ANO2: variants seen among roughly 807,000 people sequenced by gnomAD.
ANO2 encodes anoctamin 2, also known as anoctamin-2.
Under a neutral mutation model 124.2 loss-of-function variants are expected in ANO2, and 101 were observed. The ratio of observed to expected loss-of-function variants is 0.81; its 90% confidence interval spans 0.69 to 0.96. The LOEUF is 0.96. Ranked by LOEUF, ANO2 falls within the 40% of genes least tolerant of loss-of-function variation. The probability of loss-of-function intolerance (pLI) is 0.00; values close to 1 mark genes in which losing one functional copy is unlikely to be tolerated. For synonymous variants in ANO2, 486 were observed against 482.5 expected, an observed-to-expected ratio of 1.01 and a Z score of -0.09; for missense variants, 1,293 against 1,274.5, an observed-to-expected ratio of 1.01 and a Z score of -0.22.
At chr12:5,632,208 A>G (rs1945753138) in intron 16 of ANO2, among the ~76,000 whole-genome samples, 3 of 152,196 alleles carry the variant, frequency 2.0e-5, no homozygotes, top group South Asian at 2.1e-4. Flanking sequence ...AGTACCCAGT[A>G]TAAGGTAGAC....
At chr12:5,593,207 T>C (rs1943495033) in intron 20 of ANO2, among the ~76,000 whole-genome samples, 1 of 152,164 alleles carries the variant, frequency 6.6e-6, no homozygotes. Context: ...CAGAAGAAAT[T>C]CATCTCATCA....
chr12:5,800,342 G>A (rs963801206), intron 9 of ANO2, among the ~76,000 whole-genome samples: 11 of 152,212 alleles, frequency 7.2e-5, no homozygotes, highest in Non-Finnish European at 1.3e-4. Context: ...TAAAATCTTT[G>A]TATCAACACT....
chr12:5,830,355 G>A (rs1954110706), intron 6 of ANO2, 80 bp downstream of exon 6: 9 of 1,406,386 alleles, frequency 6.4e-6, no homozygotes, highest in Non-Finnish European at 8.9e-6. Flanking sequence ...GTGGCAGGGA[G>A]GGTAAGAGAA....
At chr12:5,803,904 A>G (rs2137169182) in intron 9 of ANO2, among the ~76,000 whole-genome samples, 1 of 152,322 alleles carries the variant, frequency 6.6e-6, no homozygotes, top group East Asian at 1.9e-4. Flanking sequence ...TCTGCCTGCA[A>G]TGAGCCTGGG....
intron 9 of ANO2, among the ~76,000 whole-genome samples, chr12:5,803,405 TACTA>T (rs1432061838): frequency 6.6e-6 from 1 of 152,142 alleles, no homozygotes; most frequent in Non-Finnish European, 1.5e-5. Context: ...GTGGGTCACT[TACTA>T]ACTATCCACT....
intron 7 of ANO2, among the ~76,000 whole-genome samples, chr12:5,823,617 G>C (rs1446569881): frequency 6.6e-6 from 1 of 152,220 alleles, no homozygotes; most frequent in Admixed American, 6.5e-5. Context: ...CTGGCACTGA[G>C]TGTCTGCAGC....
chr12:5,884,306 G>A (rs1449286116), intron 3 of ANO2, among the ~76,000 whole-genome samples: 1 of 152,200 alleles, frequency 6.6e-6, no homozygotes, highest in Admixed American at 6.5e-5. Context: ...AGTTTCAGAG[G>A]TGTCATCCTT....
intron 14 of ANO2, among the ~76,000 whole-genome samples, chr12:5,712,239 T>C (rs951860999): frequency 3.3e-5 from 5 of 151,784 alleles, no homozygotes; most frequent in African/African-American, 7.3e-5. Flanking sequence ...CACTAAATGA[T>C]AGGCCCGGGT....
intron 10 of ANO2, among the ~76,000 whole-genome samples, chr12:5,772,074 T>C (rs1952099058): frequency 1.3e-5 from 2 of 152,182 alleles, no homozygotes; most frequent in Admixed American, 6.5e-5. Context: ...ATTGCTTTAC[T>C]TTTTACCCAC....
At position 5,584,705 on chromosome 12, in the gene ANO2, T is replaced by C. The variant is rs75846040; in HGVS notation, c.2234-6187A>G. On this transcript the variant is annotated intron_variant, in intron 20 of 24. Coordinates refer to ENST00000682330, the MANE Select transcript of ANO2 (RefSeq NM_001364791.2). ...CCAACTATGCTTTGGGCTGACAACG[T>C]CTGGCATAAAAAGAATTGCAAGTGT... Among the ~76,000 whole-genome samples, 29 of 152,302 alleles carry C rather than the reference T, an allele frequency of 1.9e-4. No individual in the cohort carries two copies. In the East Asian group the frequency reaches 5.6e-3, roughly 29 times the overall value.
At chr12:5,755,029 G>A (rs1331519917) in intron 10 of ANO2, among the ~76,000 whole-genome samples, 1 of 151,988 alleles carries the variant, frequency 6.6e-6, no homozygotes, top group Non-Finnish European at 1.5e-5. Flanking sequence ...CTTCTTAAAT[G>A]TAGCCATTTA....
At chr12:5,619,831 A>G (rs1332377442) in intron 16 of ANO2, among the ~76,000 whole-genome samples, 1 of 152,246 alleles carries the variant, frequency 6.6e-6, no homozygotes, top group African/African-American at 2.4e-5. Context: ...GACGTGCTGA[A>G]ACTGAACTAC....
At chr12:5,881,396 T>C (rs1591735338) in intron 3 of ANO2, among the ~76,000 whole-genome samples, 1 of 152,174 alleles carries the variant, frequency 6.6e-6, no homozygotes, top group Non-Finnish European at 1.5e-5. Flanking sequence ...CTGCTGCCCC[T>C]GGAGCCAAGG....
intron 14 of ANO2, among the ~76,000 whole-genome samples, chr12:5,729,800 T>A (rs1483734603): frequency 6.6e-6 from 1 of 151,988 alleles, no homozygotes; most frequent in Non-Finnish European, 1.5e-5. Flanking sequence ...ATGAAGCAGA[T>A]CCACAATATA....
chr12:5,688,162 A>C (rs1427221163), intron 14 of ANO2, among the ~76,000 whole-genome samples: 2 of 152,226 alleles, frequency 1.3e-5, no homozygotes, highest in Non-Finnish European at 2.9e-5. Flanking sequence ...CTGTGATGGA[A>C]AATATGCCAA....
intron 14 of ANO2, among the ~76,000 whole-genome samples, chr12:5,657,067 T>C (rs967523690): frequency 1.3e-5 from 2 of 152,170 alleles, no homozygotes; most frequent in African/African-American, 4.8e-5. Flanking sequence ...ACAGGGTTTC[T>C]GAAGGAAGTC....
At chr12:5,865,850 T>C (rs1955412231) in intron 3 of ANO2, among the ~76,000 whole-genome samples, 1 of 152,196 alleles carries the variant, frequency 6.6e-6, no homozygotes, top group Non-Finnish European at 1.5e-5. Context: ...ATTTTCATTC[T>C]CTTTGGAAAC....
At chr12:5,755,179 A>G (rs2362469) in intron 10 of ANO2, among the ~76,000 whole-genome samples, 151,631 of 151,666 alleles carry the variant, frequency 1, 75,798 homozygotes, top group Non-Finnish European at 1. Flanking sequence ...AGTACTCTTG[A>G]TTGGCAGGTT....
intron 14 of ANO2, among the ~76,000 whole-genome samples, chr12:5,722,488 C>T (rs1222371180): frequency 6.6e-6 from 1 of 152,142 alleles, no homozygotes; most frequent in African/African-American, 2.4e-5. Context: ...GCCTGGGCGA[C>T]AGAACGAGAC....
Sources: allele counts gnomAD v4.1 joint callset (sites outside exome capture counted in the v4.1 genomes callset), GRCh38; gene constraint gnomAD v4.1.1; transcripts MANE v1.5; gene names NCBI Gene and HGNC (gene_info 2026-07-23, HGNC 2026-07-21).